ZFYVE9: variants seen among roughly 807,000 people sequenced by gnomAD.
The protein encoded by ZFYVE9 is zinc finger FYVE-type containing 9, also known as zinc finger FYVE domain-containing protein 9.
ZFYVE9 carries 43 observed loss-of-function variants against 126.7 expected under a neutral mutation model. The observed-to-expected ratio is 0.34, with a 90% confidence interval of 0.27 to 0.44. The LOEUF (loss-of-function observed/expected upper bound fraction) is 0.44. Ranked by LOEUF, ZFYVE9 falls within the 20% of genes least tolerant of loss-of-function variation. ZFYVE9 has a pLI of 1.00. For synonymous variants in ZFYVE9, 521 were observed against 597.4 expected (o/e 0.87, Z 1.87); for missense variants, 1,476 against 1,697.0 (o/e 0.87, Z 2.29).
At chr1:52,156,037 A>G (rs1644400110) in intron 1 of ZFYVE9, among the ~76,000 whole-genome samples, 3 of 152,214 alleles carry the variant, frequency 2.0e-5, no homozygotes, top group South Asian at 2.1e-4. Flanking sequence ...ATCAACATGT[A>G]TCACTGACGT....
At chr1:52,304,319 A>G (rs184447211) in intron 13 of ZFYVE9, among the ~76,000 whole-genome samples, 71 of 151,592 alleles carry the variant, frequency 4.7e-4, no homozygotes, top group African/African-American at 1.5e-3. Flanking sequence ...CTGGAGTGCA[A>G]TGGTGTGATC....
At chr1:52,327,613 A>G (rs926778484) in intron 13 of ZFYVE9, among the ~76,000 whole-genome samples, 6 of 151,598 alleles carry the variant, frequency 4.0e-5, no homozygotes, top group African/African-American at 1.5e-4. Context: ...GAAAAAAAAA[A>G]AGTCTTCATG....
intron 13 of ZFYVE9, among the ~76,000 whole-genome samples, chr1:52,331,811 G>A (rs1646344771): frequency 7.1e-6 from 1 of 141,594 alleles, no homozygotes; most frequent in Non-Finnish European, 1.5e-5. Context: ...ACAGAGTCTT[G>A]CTCTTTCCTC....
At chr1:52,174,338 T>C (rs1262846126) in intron 1 of ZFYVE9, among the ~76,000 whole-genome samples, 2 of 151,178 alleles carry the variant, frequency 1.3e-5, no homozygotes, top group Non-Finnish European at 3.0e-5. Context: ...TAATCCTGAG[T>C]TCTAGTTTGA....
intron 1 of ZFYVE9, among the ~76,000 whole-genome samples, chr1:52,144,212 G>T (rs768216847): frequency 2.0e-5 from 3 of 152,052 alleles, no homozygotes; most frequent in Non-Finnish European, 4.4e-5. Context: ...CCAGCTACTC[G>T]GGAGGCTGAG....
At chr1:52,237,365 A>G (rs1457503464) in intron 3 of ZFYVE9, 123 bp from the exon 4 acceptor site, 11 of 911,964 alleles carry the variant, frequency 1.2e-5, no homozygotes, top group Non-Finnish European at 1.8e-5. Flanking sequence ...TTAGCCCCGA[A>G]TTAGAAATCT....
intron 1 of ZFYVE9, among the ~76,000 whole-genome samples, chr1:52,187,757 A>G (rs1327726553): frequency 6.6e-6 from 1 of 152,240 alleles, no homozygotes; most frequent in African/African-American, 2.4e-5. Flanking sequence ...GTGAGATACC[A>G]TCTCACACCA....
chr1:52,185,918 C>CAA lies in ZFYVE9; in HGVS notation c.-142-30436_-142-30435dup, dbSNP rs777825678. The stretch of plus-strand genomic sequence containing the variant: ...CTGGGGACAGAGTGAGACTCCGTCT[C>CAA]AAAAAAAAAAAAAAAAGCTTTTGAT... On this transcript the variant is annotated intron_variant, in intron 1 of 18. Transcript: ENST00000287727. Among the ~76,000 whole-genome samples the CAA allele has an allele frequency of 9.9e-3, 650 of 65,718 alleles. 12 individuals are homozygous for CAA. The highest frequency in any genetic ancestry group is 0.03 in the African/African-American group (588 of 19,550). The allele number at this position is 65,718 out of a possible 152,430, so 43.1% of individuals were successfully genotyped here. A position where few individuals can be genotyped will look rare whatever the true frequency, so the allele number is the denominator to read the frequency against.
chr1:52,265,573 G>A (rs919004646), intron 5 of ZFYVE9, among the ~76,000 whole-genome samples: 1 of 152,142 alleles, frequency 6.6e-6, no homozygotes, highest in South Asian at 2.1e-4. Context: ...TGAAATTATA[G>A]GGTACACAGA....
chr1:52,207,318 C>A (rs147162874), intron 1 of ZFYVE9, among the ~76,000 whole-genome samples: 2 of 152,170 alleles, frequency 1.3e-5, no homozygotes, highest in Non-Finnish European at 2.9e-5. Flanking sequence ...ATATTTGATA[C>A]GTCTGTTATC....
chr1:52,166,862 C>T (rs576655742), intron 1 of ZFYVE9, among the ~76,000 whole-genome samples: 1 of 152,140 alleles, frequency 6.6e-6, no homozygotes, highest in Non-Finnish European at 1.5e-5. Context: ...GATAATGCCA[C>T]TGCACTCCAG....
In ZFYVE9 at chr1:52,203,564, T is replaced by A. The variant is rs184856886; in HGVS notation, c.-142-12805T>A. ...ATGTATAGGTTTTTTTTGGCATTTT[T>A]CATGCTTGGTGTTCTCTGAACTTTC... On this transcript the variant is annotated intron_variant, in intron 1 of 18. Coordinates refer to ENST00000287727, the MANE Select transcript of ZFYVE9 (RefSeq NM_004799.4). Among the ~76,000 whole-genome samples, 411 of 151,430 alleles carry A rather than the reference T, an allele frequency of 2.7e-3. 1 individual carries two copies. The highest frequency in any genetic ancestry group is 4.5e-3 in the Non-Finnish European group (302 of 67,860).
At chr1:52,282,827 G>T (rs1645817583) in intron 10 of ZFYVE9, among the ~76,000 whole-genome samples, 1 of 152,120 alleles carries the variant, frequency 6.6e-6, no homozygotes, top group Admixed American at 6.5e-5. Flanking sequence ...ATCTTTTTGA[G>T]AACTTTTTTT....
Position 52,281,755 on chromosome 1 carries a change from A to G in ZFYVE9, c.2964A>G (p.Glu988=), listed in dbSNP as rs147581889. The part of the protein sequence containing the change: ...IVILLQCLPD[E]KCLPKDIFNH... The stretch of plus-strand genomic sequence containing the variant: ...TTCTTCTACAGTGTTTACCGGATGA[A>G]AAGTGTTTGCCAAAGGATATCTTTA... Residue 988 remains glutamate, a synonymous_variant, in exon 10 of 19, where the codon GAA becomes GAG. Coordinates refer to ENST00000287727, the MANE Select transcript of ZFYVE9 (RefSeq NM_004799.4). 19 of 1,614,054 alleles carry G rather than the reference A, an allele frequency of 1.2e-5. No individual in the cohort carries two copies. The African/African-American group carries it at 2.4e-4, about 20-fold the overall frequency.
intron 1 of ZFYVE9, among the ~76,000 whole-genome samples, chr1:52,145,721 C>A (rs973297336): frequency 6.6e-6 from 1 of 152,094 alleles, no homozygotes; most frequent in East Asian, 1.9e-4. Flanking sequence ...AAAAATCAGG[C>A]ATTGGGATTT....
chr1:52,288,987 T>A (rs1645891952), intron 10 of ZFYVE9, among the ~76,000 whole-genome samples: 1 of 151,582 alleles, frequency 6.6e-6, no homozygotes, highest in African/African-American at 2.4e-5. Flanking sequence ...AATGAACCAT[T>A]TGCTTGGAAA....
At chr1:52,299,826 C>T (rs1646015662) in intron 12 of ZFYVE9, among the ~76,000 whole-genome samples, 2 of 152,198 alleles carry the variant, frequency 1.3e-5, no homozygotes, top group Admixed American at 1.3e-4. Context: ...GCAGTGGGTC[C>T]AGTTTCAAGA....
At chr1:52,311,803 T>C (rs550909536) in intron 13 of ZFYVE9, among the ~76,000 whole-genome samples, 1 of 152,108 alleles carries the variant, frequency 6.6e-6, no homozygotes, top group Non-Finnish European at 1.5e-5. Flanking sequence ...TTATTTATTT[T>C]TTTTTTAGAT....
At chr1:52,297,458 C>T (rs569877788) in intron 12 of ZFYVE9, among the ~76,000 whole-genome samples, 9 of 151,954 alleles carry the variant, frequency 5.9e-5, no homozygotes, top group African/African-American at 2.2e-4. Context: ...AGGCTGGTCT[C>T]AAACTCCTGA....
Sources: allele counts gnomAD v4.1 joint callset (sites outside exome capture counted in the v4.1 genomes callset), GRCh38; gene constraint gnomAD v4.1.1; transcripts MANE v1.5; gene names NCBI Gene and HGNC (gene_info 2026-07-23, HGNC 2026-07-21).